The following CDK14 variants were observed in gnomAD, a reference collection of about 807,000 sequenced individuals.
The protein encoded by CDK14 is cyclin dependent kinase 14, also known as cyclin-dependent kinase 14.
In CDK14, 34 loss-of-function variants were observed where a neutral mutation model predicts 60.7. That is an observed-to-expected ratio of 0.56 (90% CI 0.43 to 0.75). CDK14 has a LOEUF of 0.75. CDK14 is among the 30% of genes least tolerant of loss of function. CDK14 has a pLI of 0.00. For missense variants in CDK14, 482 were observed against 564.1 expected (o/e 0.85, Z 1.47); for synonymous variants, 197 against 203.7 (o/e 0.97, Z 0.28).
intron 7 of CDK14, among the ~76,000 whole-genome samples, chr7:90,913,068 G>A (rs777835757): frequency 3.9e-5 from 6 of 152,164 alleles, no homozygotes; most frequent in Admixed American, 6.5e-5. Context: ...AAGAATGTGT[G>A]TGGACCCCTC....
chr7:90,830,525 T>C (rs1789880817), intron 5 of CDK14, among the ~76,000 whole-genome samples: 1 of 152,212 alleles, frequency 6.6e-6, no homozygotes, highest in African/African-American at 2.4e-5. Context: ...TGAAATGCCC[T>C]GGATACGTTT....
At chr7:91,114,644 G>A (rs1562910377) in intron 13 of CDK14, among the ~76,000 whole-genome samples, 1 of 152,234 alleles carries the variant, frequency 6.6e-6, no homozygotes, top group Non-Finnish European at 1.5e-5. Flanking sequence ...TTGAAGGGGG[G>A]AGAATAAAGA....
intron 11 of CDK14, among the ~76,000 whole-genome samples, chr7:91,056,870 C>T (rs1429139271): frequency 1.3e-5 from 2 of 152,134 alleles, no homozygotes; most frequent in African/African-American, 2.4e-5. Context: ...AATAAACATA[C>T]GTGTGTACGT....
In CDK14 at chr7:91,060,466, G is replaced by A. The variant is rs183905748; in HGVS notation, c.1105+14506G>A. On this transcript the variant is annotated intron_variant, in intron 11 of 14. Coordinates refer to ENST00000380050, the MANE Select transcript of CDK14 (RefSeq NM_001287135.2). The stretch of plus-strand genomic sequence containing the variant: ...TTATGATGTTAGCTGGTGATTTTGC[G>A]CGTTAGTTGATGCAGTTTCTTCCTA... Among the ~76,000 whole-genome samples the A allele has an allele frequency of 7.2e-4, 109 of 152,084 alleles. 1 individual carries two copies. The highest frequency in any genetic ancestry group is 2.4e-3 in the African/African-American group (100 of 41,488).
intron 12 of CDK14, among the ~76,000 whole-genome samples, chr7:91,112,202 G>A (rs2116352145): frequency 6.6e-6 from 1 of 152,180 alleles, no homozygotes; most frequent in East Asian, 1.9e-4. Flanking sequence ...TGTGGGTATA[G>A]TACATAGATT....
At chr7:90,668,694 G>A (rs13229374) in intron 2 of CDK14, among the ~76,000 whole-genome samples, 73,564 of 120,046 alleles carry the variant, frequency 0.61, 22,364 homozygotes, top group East Asian at 0.79. Context: ...GGAAGGACTC[G>A]CATTCTTTTT....
chr7:90,940,782 T>C (rs559825046), intron 8 of CDK14, among the ~76,000 whole-genome samples: 1 of 151,256 alleles, frequency 6.6e-6, no homozygotes, highest in African/African-American at 2.4e-5. Context: ...CCAGACCTTG[T>C]CTCAAAAAAA....
At chr7:91,003,593 T>C (rs539015292) in intron 10 of CDK14, among the ~76,000 whole-genome samples, 1 of 152,158 alleles carries the variant, frequency 6.6e-6, no homozygotes, top group Non-Finnish European at 1.5e-5. Flanking sequence ...TCCTTGGGTA[T>C]TGCCATCATC....
chr7:90,989,223 A>G (rs181316073), intron 10 of CDK14, among the ~76,000 whole-genome samples: 1 of 152,130 alleles, frequency 6.6e-6, no homozygotes, highest in African/African-American at 2.4e-5. Flanking sequence ...CTGCAGCTTC[A>G]TGATTGGTTA....
intron 12 of CDK14, among the ~76,000 whole-genome samples, chr7:91,112,334 A>G (rs1187854180): frequency 2.0e-5 from 3 of 152,126 alleles, no homozygotes; most frequent in African/African-American, 7.2e-5. Flanking sequence ...TTTTAAATCA[A>G]TTATACTGTT....
At chr7:91,157,009 T>A (rs953574210) in intron 14 of CDK14, among the ~76,000 whole-genome samples, 1 of 152,220 alleles carries the variant, frequency 6.6e-6, no homozygotes, top group Non-Finnish European at 1.5e-5. Flanking sequence ...ATTCCATCCT[T>A]GTGACTTAGG....
chr7:90,774,548 A>G (rs151175997), intron 4 of CDK14, among the ~76,000 whole-genome samples: 3,438 of 152,252 alleles, frequency 0.023, 55 homozygotes, highest in Admixed American at 0.034. Context: ...TTCATTTTGA[A>G]TATATTCAAT....
chr7:91,091,518 A>ATATATATATATATATATATATAT (rs1562900735), intron 12 of CDK14, among the ~76,000 whole-genome samples: 2 of 43,248 alleles, frequency 4.6e-5, no homozygotes, highest in Admixed American at 2.2e-4. Context: ...TATATATATA[A>ATATATATATATATATATATATAT]ATTAGCCAGG....
intron 10 of CDK14, among the ~76,000 whole-genome samples, chr7:91,009,435 T>C (rs1353339371): frequency 1.3e-5 from 2 of 152,162 alleles, no homozygotes; most frequent in Non-Finnish European, 1.5e-5. Flanking sequence ...CTTAACTCTT[T>C]TAAAAACTGC....
intron 5 of CDK14, among the ~76,000 whole-genome samples, chr7:90,793,141 C>T (rs533521365): frequency 2.6e-5 from 4 of 152,260 alleles, no homozygotes; most frequent in African/African-American, 9.6e-5. Flanking sequence ...TCTGATTGTT[C>T]ACTGCTGTAC....
chr7:90,969,547 C>G lies in CDK14; in HGVS notation c.947+13730C>G, dbSNP rs546271943. On this transcript the variant is annotated intron_variant, in intron 9 of 14. Coordinates refer to ENST00000380050, the MANE Select transcript of CDK14 (RefSeq NM_001287135.2). ...GGATTAATACATTTGCAGAGAGAAG[C>G]CTTAAAATATGACTTCCTTGTTTTG... is the stretch of plus-strand genomic sequence containing the variant. Among the ~76,000 whole-genome samples the G allele has an allele frequency of 1.9e-4, 29 of 152,200 alleles. No individual in the cohort carries two copies. The East Asian group carries it at 5.4e-3, about 28-fold the overall frequency.
chr7:90,653,598 A>C (rs889890945), intron 2 of CDK14, among the ~76,000 whole-genome samples: 1 of 152,130 alleles, frequency 6.6e-6, no homozygotes, highest in East Asian at 1.9e-4. Flanking sequence ...ATTTGAATGC[A>C]TCATGCCCAA....
At chr7:90,738,882 T>G (rs1446766113) in intron 3 of CDK14, among the ~76,000 whole-genome samples, 1 of 119,190 alleles carries the variant, frequency 8.4e-6, no homozygotes, top group African/African-American at 3.3e-5. Context: ...CAAAAATCTC[T>G]CCTTCTGAAT....
At chr7:90,901,794 A>G (rs932635535) in intron 7 of CDK14, among the ~76,000 whole-genome samples, 10 of 151,976 alleles carry the variant, frequency 6.6e-5, no homozygotes, top group Admixed American at 2.0e-4. Flanking sequence ...AAATGGAAAA[A>G]ATCCAAATTG....
Sources: allele counts gnomAD v4.1 joint callset (sites outside exome capture counted in the v4.1 genomes callset), GRCh38; gene constraint gnomAD v4.1.1; transcripts MANE v1.5; gene names NCBI Gene and HGNC (gene_info 2026-07-23, HGNC 2026-07-21).